CATSPERT: variants seen among roughly 807,000 people sequenced by gnomAD.
CATSPERT encodes the protein cation channel sperm-associated targeting subunit tau.
the CATSPERT span, among the ~76,000 whole-genome samples, chr2:201,616,687 G>A: frequency 2.6e-5 from 4 of 152,010 alleles, no homozygotes; most frequent in South Asian, 2.1e-4. Flanking sequence ...TATTCAACAT[G>A]GTGTTGGAAT....
At chr2:201,518,489 T>C in the CATSPERT span, among the ~76,000 whole-genome samples, 8 of 152,328 alleles carry the variant, frequency 5.3e-5, no homozygotes, top group African/African-American at 1.4e-4. Flanking sequence ...TCAGGCTAAA[T>C]CCCAACCCAC....
the CATSPERT span, among the ~76,000 whole-genome samples, chr2:201,489,788 C>T: frequency 6.6e-6 from 1 of 152,088 alleles, no homozygotes; most frequent in South Asian, 2.1e-4. Flanking sequence ...TTAAAAATCC[C>T]TTCCATTCCT....
chr2:201,495,149 G>A, the CATSPERT span, among the ~76,000 whole-genome samples: 1 of 151,730 alleles, frequency 6.6e-6, no homozygotes, highest in Non-Finnish European at 1.5e-5. Flanking sequence ...TCATAGCAAT[G>A]TAGGAAATTT....
At chr2:201,543,007 C>T in the CATSPERT span, among the ~76,000 whole-genome samples, 1 of 152,162 alleles carries the variant, frequency 6.6e-6, no homozygotes. Context: ...GTCATTAATC[C>T]ATTGAGAATT....
At chr2:201,615,120 C>T in the CATSPERT span, among the ~76,000 whole-genome samples, 1 of 152,154 alleles carries the variant, frequency 6.6e-6, no homozygotes. Flanking sequence ...GCCTTTAACA[C>T]ACCACTGTCA....
chr2:201,497,809 A>C, the CATSPERT span, among the ~76,000 whole-genome samples: 1 of 152,234 alleles, frequency 6.6e-6, no homozygotes, highest in Non-Finnish European at 1.5e-5. Flanking sequence ...TCAAGATGGC[A>C]GACTGAACAT....
At chr2:201,603,433 G>A in the CATSPERT span, among the ~76,000 whole-genome samples, 1 of 152,112 alleles carries the variant, frequency 6.6e-6, no homozygotes, top group Admixed American at 6.5e-5. Flanking sequence ...CTAGTTAATA[G>A]AAATCATCGG....
chr2:201,602,177 A>G, the CATSPERT span, among the ~76,000 whole-genome samples: 1 of 152,128 alleles, frequency 6.6e-6, no homozygotes, highest in Admixed American at 6.6e-5. Flanking sequence ...AAGTATATGC[A>G]ATATATAGTT....
At chr2:201,532,527 G>T in the CATSPERT span, among the ~76,000 whole-genome samples, 8 of 152,114 alleles carry the variant, frequency 5.3e-5, no homozygotes, top group African/African-American at 1.7e-4. Context: ...AGATGTGGAA[G>T]TTATTCATTT....
At chr2:201,487,822 A>G in the CATSPERT span, 1 of 1,614,120 alleles carries the variant, frequency 6.2e-7, no homozygotes, top group Non-Finnish European at 8.5e-7. Flanking sequence ...TTTTTCCTAA[A>G]AGCCTTGATC....
At chr2:201,571,702 CTTCTT>C in the CATSPERT span, among the ~76,000 whole-genome samples, 2 of 152,320 alleles carry the variant, frequency 1.3e-5, no homozygotes, top group South Asian at 2.1e-4. Context: ...CACTCCTTCT[CTTCTT>C]TTATCTCCAT....
At chr2:201,493,655 G>A in the CATSPERT span, 1 of 1,537,164 alleles carries the variant, frequency 6.5e-7, no homozygotes, top group South Asian at 1.2e-5. Context: ...CAAGGTGTAG[G>A]TAATTGATTT....
chr2:201,567,217 T>C, the CATSPERT span, among the ~76,000 whole-genome samples: 4 of 152,204 alleles, frequency 2.6e-5, no homozygotes, highest in Non-Finnish European at 2.9e-5. Context: ...GGTCCCTAAA[T>C]GTGAACATCT....
At chr2:201,535,577 T>C in the CATSPERT span, 1 of 1,023,812 alleles carries the variant, frequency 9.8e-7, no homozygotes, top group Non-Finnish European at 1.2e-6. Flanking sequence ...CATTTTGTTA[T>C]TGTCGTTACA....
At chr2:201,522,423 A>G in the CATSPERT span, among the ~76,000 whole-genome samples, 12,551 of 151,984 alleles carry the variant, frequency 0.083, 712 homozygotes, top group African/African-American at 0.15. Flanking sequence ...AGACCAGCAC[A>G]CTCCAAGCAG....
the CATSPERT span, among the ~76,000 whole-genome samples, chr2:201,567,508 G>C: frequency 6.6e-6 from 1 of 152,186 alleles, no homozygotes; most frequent in East Asian, 1.9e-4. Flanking sequence ...TATAATTTTA[G>C]ACTGAGTTCA....
chr2:201,602,421 A>G, the CATSPERT span, among the ~76,000 whole-genome samples: 1 of 152,090 alleles, frequency 6.6e-6, no homozygotes, highest in Non-Finnish European at 1.5e-5. Flanking sequence ...TTATTTTCCA[A>G]AATTCTCTTT....
the CATSPERT span, chr2:201,604,609 A>C: frequency 6.3e-7 from 1 of 1,584,640 alleles, no homozygotes; most frequent in Non-Finnish European, 8.6e-7. Flanking sequence ...ACTCATACAT[A>C]CCACATCCCC....
the CATSPERT span, among the ~76,000 whole-genome samples, chr2:201,502,980 A>G: frequency 6.6e-6 from 1 of 151,628 alleles, no homozygotes; most frequent in Non-Finnish European, 1.5e-5. Context: ...CTTCTGCAGC[A>G]TCTAATATGT....
Sources: gnomAD v4.1 joint callset for allele counts (sites outside exome capture counted in the v4.1 genomes callset) on GRCh38, gnomAD v4.1.1 for gene constraint, MANE v1.5 for transcripts, NCBI Gene and HGNC (gene_info 2026-07-23, HGNC 2026-07-21) for gene names.